SOAT1: variants seen among roughly 807,000 people sequenced by gnomAD.
SOAT1 encodes the protein sterol O-acyltransferase 1, also known as acyl-coenzyme A:cholesterol acyltransferase 1.
Under a neutral mutation model 69.5 loss-of-function variants are expected in SOAT1, and 55 were observed. The observed-to-expected ratio is 0.79, with a 90% CI of 0.64 to 0.99. SOAT1 has a LOEUF of 0.99. Among genes scored for constraint, SOAT1 ranks in the 50% least tolerant of loss-of-function variants. SOAT1 has a pLI of 0.00. For synonymous variants in SOAT1, 231 were observed against 224.7 expected (o/e 1.03, Z -0.25); for missense variants, 580 against 669.3 (o/e 0.87, Z 1.47).
Position 179,347,581 on chromosome 1 carries a change from T to TTGTTAATCTTA in SOAT1, c.1118-17_1118-7dup. The TTGTTAATCTTA allele has an allele frequency of 6.8e-7, 1 of 1,464,476 alleles. No individual in the cohort carries two copies. Among genetic ancestry groups the TTGTTAATCTTA allele is most frequent in the Non-Finnish European group, 9.6e-7 (1 of 1,046,402 alleles). 90.7% of individuals were successfully genotyped at this position (1,464,476 alleles called of 1,614,324 possible). A position where few individuals can be genotyped will look rare whatever the true frequency, so the allele number is the denominator to read the frequency against. The stretch of plus-strand genomic sequence containing the variant: ...GAGCTATTTGGAAAGACTGTTAATA[T>TTGTTAATCTTA]TGTTAATCTTATTTTTAGGTGTGCT... On this transcript the variant is annotated intron_variant, in intron 11 of 15. Coordinates refer to ENST00000367619, the MANE Select transcript of SOAT1 (RefSeq NM_003101.6).
intron 2 of SOAT1, among the ~76,000 whole-genome samples, chr1:179,303,351 C>T (rs568211583): frequency 6.6e-6 from 1 of 152,100 alleles, no homozygotes; most frequent in African/African-American, 2.4e-5. Context: ...AAGAGGAATA[C>T]GATAGTCCTT....
intron 1 of SOAT1, among the ~76,000 whole-genome samples, chr1:179,300,832 A>G (rs1282049400): frequency 6.6e-6 from 1 of 152,180 alleles, no homozygotes; most frequent in Non-Finnish European, 1.5e-5. Context: ...GCGGTGGCTC[A>G]TGCCTGTAAT....
chr1:179,335,766 A>T, intron 4 of SOAT1, 109 bp downstream of exon 4: 1 of 1,007,074 alleles, frequency 9.9e-7, no homozygotes, highest in South Asian at 2.0e-5. Context: ...GTCACTTTCT[A>T]TTGGCTGTGT....
rs1666318494 is a variant in SOAT1 at position 179,341,057 on chromosome 1, A to G, written c.527A>G (p.Tyr176Cys). 6.2e-7 allele frequency: 1 copy of G among 1,613,912 alleles called. No individual in the cohort carries two copies. The highest frequency in any genetic ancestry group is 8.5e-7 in the Non-Finnish European group (1 of 1,179,988). ...GTGCTTGAGTTCAGCCTCCTGTCTT[A>G]TGCTTTTGGCAAATTTCCTACCGTT... Reference protein sequence around the residue: ...RLVLEFSLLSYAFGKFPTVVW... With the variant: ...RLVLEFSLLSCAFGKFPTVVW... Residue 176 changes from tyrosine (Y) to cysteine (C), a missense_variant, in exon 7 of 16, where the codon TAT (tyrosine) becomes TGT (cysteine). Coordinates refer to ENST00000367619, the MANE Select transcript of SOAT1 (RefSeq NM_003101.6).
intron 7 of SOAT1, chr1:179,341,870 T>C (rs1666351666): frequency 4.2e-6 from 1 of 239,906 alleles, no homozygotes; most frequent in Admixed American, 6.5e-5. Flanking sequence ...ATTTTGTTTC[T>C]GAATACTTTT....
At chr1:179,305,425 T>G (rs1401710910) in intron 2 of SOAT1, among the ~76,000 whole-genome samples, 1 of 145,698 alleles carries the variant, frequency 6.9e-6, no homozygotes, top group Non-Finnish European at 1.5e-5. Flanking sequence ...TTTTTTTTTT[T>G]TGTGGCTGAA....
intron 14 of SOAT1, 47 bp from the exon 15 acceptor site, chr1:179,351,270 C>T (rs1264626757): frequency 2.5e-6 from 4 of 1,576,982 alleles, no homozygotes; most frequent in Admixed American, 1.7e-5. Context: ...TCTCGAACTT[C>T]TGACCTCTGA....
At chr1:179,348,737 AG>A (rs1439299855) in intron 12 of SOAT1, 106 bp from the exon 13 acceptor site, 21 of 683,068 alleles carry the variant, frequency 3.1e-5, no homozygotes, top group Admixed American at 8.6e-5. Flanking sequence ...TTGGGAAGTC[AG>A]GGGGGTTTGC....
At chr1:179,351,594 T>A in intron 15 of SOAT1, 132 bp downstream of exon 15, 1 of 777,182 alleles carries the variant, frequency 1.3e-6, no homozygotes, top group Non-Finnish European at 2.0e-6. Flanking sequence ...AAATGAGGAG[T>A]AAAAGCATTA....
At chr1:179,295,333 G>T (rs1664595802) in intron 1 of SOAT1, among the ~76,000 whole-genome samples, 1 of 152,084 alleles carries the variant, frequency 6.6e-6, no homozygotes, top group African/African-American at 2.4e-5. Context: ...TCAGATATCA[G>T]CCCACATATC....
At chr1:179,328,642 G>A (rs922458371) in intron 3 of SOAT1, among the ~76,000 whole-genome samples, 1 of 152,078 alleles carries the variant, frequency 6.6e-6, no homozygotes, top group African/African-American at 2.4e-5. Context: ...TTACTAATTG[G>A]TATTTGTCAA....
chr1:179,300,653 G>A (rs7522641), intron 1 of SOAT1, among the ~76,000 whole-genome samples: 75,760 of 151,964 alleles, frequency 0.5, 19,827 homozygotes, highest in East Asian at 0.84. Context: ...GGATATTTTA[G>A]TACAAAAATT....
intron 3 of SOAT1, among the ~76,000 whole-genome samples, chr1:179,333,369 G>A (rs921569433): frequency 3.4e-5 from 5 of 148,300 alleles, no homozygotes; most frequent in Admixed American, 6.9e-5. Flanking sequence ...TTTCTTCATA[G>A]TATCTTTTAA....
chr1:179,329,714 C>CA (rs745468620), intron 3 of SOAT1, among the ~76,000 whole-genome samples: 5,486 of 111,140 alleles, frequency 0.049, 315 homozygotes, highest in African/African-American at 0.16. Context: ...GACTTCATCT[C>CA]AAAAAAAAAA....
At chr1:179,341,934 G>A (rs1463103520) in intron 7 of SOAT1, 180 bp from the exon 8 acceptor site, 1 of 418,330 alleles carries the variant, frequency 2.4e-6, no homozygotes, top group African/African-American at 2.2e-5. Context: ...CTTCACTTTT[G>A]AAATGTCAGA....
chr1:179,343,710 G>C, intron 10 of SOAT1, 75 bp downstream of exon 10: 3 of 1,068,784 alleles, frequency 2.8e-6, no homozygotes, highest in Non-Finnish European at 4.1e-6. Context: ...ATATAATCTA[G>C]TTAAATCTAA....
At chr1:179,345,197 A>G in intron 11 of SOAT1, 121 bp downstream of exon 11, 1 of 893,648 alleles carries the variant, frequency 1.1e-6, no homozygotes, top group Non-Finnish European at 1.7e-6. Context: ...ATCTATGCCC[A>G]TCTTGACCTC....
chr1:179,343,780 G>A (rs1666424108), intron 10 of SOAT1, 145 bp downstream of exon 10: 10 of 610,272 alleles, frequency 1.6e-5, no homozygotes, highest in Non-Finnish European at 2.6e-5. Context: ...TTTCCAGTAC[G>A]GTAAATGGTG....
At chr1:179,316,389 GATT>G (rs946801174) in intron 2 of SOAT1, among the ~76,000 whole-genome samples, 1 of 151,584 alleles carries the variant, frequency 6.6e-6, no homozygotes, top group Non-Finnish European at 1.5e-5. Flanking sequence ...TATCTAAGTC[GATT>G]ATTATTATTA....
Sources: allele counts gnomAD v4.1 joint callset (sites outside exome capture counted in the v4.1 genomes callset), GRCh38; gene constraint gnomAD v4.1.1; transcripts MANE v1.5; gene names NCBI Gene and HGNC (gene_info 2026-07-23, HGNC 2026-07-21).